HAGHL: variants seen among roughly 807,000 people sequenced by gnomAD.
The protein encoded by HAGHL is hydroxyacylglutathione hydrolase like, also known as hydroxyacylglutathione hydrolase-like protein.
A neutral mutation model predicts 29.2 loss-of-function variants in HAGHL; 27 were observed. The ratio of observed to expected loss-of-function variants is 0.92; its 90% CI spans 0.68 to 1.27. The LOEUF is 1.27. Among genes scored for constraint, HAGHL ranks in the 50% most tolerant of loss-of-function variants. The pLI is 0.00. For synonymous variants in HAGHL, 223 were observed against 185.7 expected (o/e 1.20, Z -1.63); for missense variants, 529 against 405.5 (o/e 1.30, Z -2.62).
Position 729,125 on chromosome 16 carries a change from C to A in HAGHL, c.680+37C>A, listed in dbSNP as rs775385358. ...TGTTGTCCCGGGGCCTCCACCGTTA[C>A]GTGGACCCTTAGGAAGGCATCTGGG... On this transcript the variant is annotated intron_variant, in intron 7 of 7. Transcript: ENST00000389703. 2.4e-5 allele frequency: 38 copies of A among 1,603,496 alleles called. 1 individual carries two copies. In the Admixed American group the frequency reaches 5.7e-4, roughly 24 times the overall value.
chr16:728,707 G>C, intron 5 of HAGHL, 87 bp from the exon 6 acceptor site: 1 of 1,369,230 alleles, frequency 7.3e-7, no homozygotes, highest in African/African-American at 1.4e-5. Flanking sequence ...CCTGAGGGCA[G>C]ACCGGGCAGG....
In HAGHL at chr16:729,370, G is replaced by C. The variant is rs765933247; in HGVS notation, c.763G>C (p.Glu255Gln). 21 of 1,529,568 alleles carry C rather than the reference G, an allele frequency of 1.4e-5. No individual in the cohort carries two copies. Among genetic ancestry groups the C allele is most frequent in the Non-Finnish European group, 1.8e-5 (20 of 1,140,946 alleles). 94.7% of individuals were successfully genotyped at this position (1,529,568 alleles called of 1,614,324 possible). Residue 255 changes from glutamate to glutamine, a missense_variant, in exon 8 of 8, where the codon GAA becomes CAA. Physicochemically the swap from Glu to Gln is conservative, Grantham distance 29 (BLOSUM62 2). Coordinates refer to ENST00000389703, the MANE Select transcript of HAGHL (RefSeq NM_032304.4). The stretch of plus-strand genomic sequence containing the variant: ...GCTATGCAAGGAGCGGGCGCGCTTC[G>C]AACAGGCGGGCGAGCCGCGGCAGCC... ...EALCKERARF[E>Q]QAGEPRQPQA...
chr16:728,349 CCCGGCCACACCG>C lies in HAGHL; in HGVS notation c.332_343del (p.Thr111_His114del). 1 of 1,573,180 alleles carries C rather than the reference CCCGGCCACACCG, an allele frequency of 6.4e-7. No homozygotes were observed. Among genetic ancestry groups the C allele is most frequent in the South Asian group, 1.2e-5 (1 of 86,316 alleles). On this transcript the variant is annotated inframe_deletion, in exon 4 of 8. Transcript: ENST00000389703. ...CATCCACGTGCGTTGCCTCCTGACG[CCCGGCCACACCG>C]CCGGCCACATGAGCTACTTCCTGTG... is the stretch of plus-strand genomic sequence containing the variant.
At chr16:728,955 G>A (rs773051526) in intron 6 of HAGHL, 54 bp from the exon 7 acceptor site, 6 of 1,004,674 alleles carry the variant, frequency 6.0e-6, no homozygotes, top group Non-Finnish European at 8.5e-6. Context: ...GCTTCGGGGT[G>A]GGGGGGGCTC....
In HAGHL at chr16:727,390, T is replaced by C. The variant is rs980329521; in HGVS notation, c.-120T>C. ...GCTTCTCTTTTGGCCCCCAGCGTGTTGACCGAGCCCGCTTCGCACAGCCCT... is the reference window on the plus strand; with the variant it reads ...GCTTCTCTTTTGGCCCCCAGCGTGTCGACCGAGCCCGCTTCGCACAGCCCT... On this transcript the variant is annotated 5_prime_UTR_variant, in exon 1 of 8. Transcript: ENST00000389703. 1.7e-6 allele frequency: 1 copy of C among 588,170 alleles called. No homozygotes were observed. The highest frequency in any genetic ancestry group is 3.1e-6 in the Non-Finnish European group (1 of 325,896). 36.4% of individuals were successfully genotyped at this position (588,170 alleles called of 1,614,324 possible). A position where few individuals can be genotyped will look rare whatever the true frequency, so the allele number is the denominator to read the frequency against.
At position 727,168 on chromosome 16, in the gene HAGHL, T is replaced by C. The variant is rs972986777; in HGVS notation, c.-342T>C. ...GAGGCGGGCGGCGGGGGAACGCGGCTGTCCCGGGTCAGGGGTCTTGCGGCG... is the reference window on the plus strand; with the variant it reads ...GAGGCGGGCGGCGGGGGAACGCGGCCGTCCCGGGTCAGGGGTCTTGCGGCG... On this transcript the variant is annotated 5_prime_UTR_variant, in exon 1 of 8. Transcript: ENST00000389703. 3.3e-4 allele frequency: 70 copies of C among 214,876 alleles called. No individual in the cohort carries two copies. The highest frequency in any genetic ancestry group is 1.5e-3 in the African/African-American group (65 of 42,432). 13.3% of individuals were successfully genotyped at this position (214,876 alleles called of 1,614,324 possible).
chr16:727,653 C>T (rs781543861), intron 1 of HAGHL, 39 bp downstream of exon 1: 25 of 1,354,328 alleles, frequency 1.8e-5, no homozygotes, highest in South Asian at 1.3e-4. Flanking sequence ...CCGGCCGTGT[C>T]CCCCGAGAGC....
chr16:727,785 C>T (rs1269007789), intron 1 of HAGHL, 171 bp downstream of exon 1: 4 of 751,216 alleles, frequency 5.3e-6, no homozygotes, highest in South Asian at 3.6e-5. Context: ...GGCCTCCGCC[C>T]TTTCGCTGCT....
chr16:727,504 G>A lies in HAGHL; in HGVS notation c.-6G>A. 1 of 1,585,102 alleles carries A rather than the reference G, an allele frequency of 6.3e-7. No individual in the cohort carries two copies. Among genetic ancestry groups the A allele is most frequent in the Non-Finnish European group, 8.6e-7 (1 of 1,158,174 alleles). On this transcript the variant is annotated 5_prime_UTR_variant, in exon 1 of 8. In the 5' UTR this introduces an upstream ATG that the reference lacks. Coordinates refer to ENST00000389703, the MANE Select transcript of HAGHL (RefSeq NM_032304.4). The stretch of plus-strand genomic sequence containing the variant: ...GAGCAGGCACCGGTGGCCGAGCTCC[G>A]TGACCATGAAGGTCAAGGTCATCCC...
chr16:729,081 C>G lies in HAGHL; in HGVS notation c.673C>G (p.Arg225Gly). 1 of 1,608,826 alleles carries G rather than the reference C, an allele frequency of 6.2e-7. No individual in the cohort carries two copies. The change falls in exon 7 of 8, where the codon CGG (arginine) becomes GGG (glycine). Residue 225 changes from arginine (R) to glycine (G), a missense_variant. Arg to Gly is a moderately radical substitution (Grantham distance 125). Transcript: ENST00000389703. ...GGAGCGCCTCTACAACCCCTTCCTG[C>G]GGGTGGCGTGAGTATGGCTGTTGTC... is the stretch of plus-strand genomic sequence containing the variant. ...GEERLYNPFL[R>G]VAEEPVRKFT... is the part of the protein sequence containing the mutation.
chr16:727,164 C>G lies in HAGHL; in HGVS notation c.-346C>G, dbSNP rs2041017821. The G allele has an allele frequency of 4.7e-6, 1 of 210,546 alleles. No homozygotes were observed. Among genetic ancestry groups the G allele is most frequent in the African/African-American group, 2.4e-5 (1 of 42,316 alleles). 13.0% of individuals were successfully genotyped at this position (210,546 alleles called of 1,614,324 possible). On this transcript the variant is annotated 5_prime_UTR_variant, in exon 1 of 8. Coordinates refer to ENST00000389703, the MANE Select transcript of HAGHL (RefSeq NM_032304.4). ...CGGTGAGGCGGGCGGCGGGGGAACG[C>G]GGCTGTCCCGGGTCAGGGGTCTTGC...
chr16:727,436 G>C lies in HAGHL; in HGVS notation c.-74G>C, dbSNP rs1201605374. ...GCCCTTCCTAGGGTGTGGAGAGCGG[G>C]CCCCGCCCTGAAGGGGCACCGTGGG... On this transcript the variant is annotated 5_prime_UTR_variant, in exon 1 of 8. Coordinates refer to ENST00000389703, the MANE Select transcript of HAGHL (RefSeq NM_032304.4). 33 of 854,620 alleles carry C rather than the reference G, an allele frequency of 3.9e-5. No homozygotes were observed. Among genetic ancestry groups the C allele is most frequent in the Non-Finnish European group, 6.1e-5 (32 of 520,668 alleles). 52.9% of individuals were successfully genotyped at this position (854,620 alleles called of 1,614,324 possible). A position where few individuals can be genotyped will look rare whatever the true frequency, so the allele number is the denominator to read the frequency against.
Position 728,127 on chromosome 16 carries a change from G to C in HAGHL, c.182G>C (p.Arg61Pro). The C allele has an allele frequency of 6.8e-7, 1 of 1,474,682 alleles. No homozygotes were observed. The highest frequency in any genetic ancestry group is 8.9e-7 in the Non-Finnish European group (1 of 1,118,652). 91.3% of individuals were successfully genotyped at this position (1,474,682 alleles called of 1,614,324 possible). ...CCGCCCGCCCGCAGGGACCACGCGC[G>C]GGGAAACCCGGAGCTGGCGCGGCTT... ...LTTHHHWDHA[R>P]GNPELARLRP... The change falls in exon 3 of 8, where the codon CGG (arginine) becomes CCG (proline). Residue 61 changes from arginine (R) to proline (P), a missense_variant. Coordinates refer to ENST00000389703, the MANE Select transcript of HAGHL (RefSeq NM_032304.4).
chr16:727,690 G>C, intron 1 of HAGHL, 76 bp downstream of exon 1: 1 of 961,406 alleles, frequency 1.0e-6, no homozygotes, highest in South Asian at 1.4e-5. Context: ...GTAGGAGCGA[G>C]CCCCCACGTG....
rs1215492924 is a variant in HAGHL at position 729,405 on chromosome 16, G to A, written c.798G>A (p.Arg266=). ...QAGEPRQPQA[R]ALLALQWGLL... is the part of the protein sequence containing the mutation. ...GCGAGCCGCGGCAGCCACAGGCGCG[G>A]GCCCTCCTTGCGCTGCAGTGGGGGC... is the stretch of plus-strand genomic sequence containing the variant. Residue 266 remains arginine, a synonymous_variant, in exon 8 of 8, where the codon CGG becomes CGA. Transcript: ENST00000389703. The A allele has an allele frequency of 1.3e-6, 2 of 1,530,214 alleles. No homozygotes were observed. The highest frequency in any genetic ancestry group is 1.8e-6 in the Non-Finnish European group (2 of 1,142,004). The allele number at this position is 1,530,214 out of a possible 1,614,324, so 94.8% of individuals were successfully genotyped here. A position where few individuals can be genotyped will look rare whatever the true frequency, so the allele number is the denominator to read the frequency against.
rs1596665998 is a variant in HAGHL at position 729,425 on chromosome 16, G to A, written c.818G>A (p.Trp273Ter). ...PQARALLALQ[W>*]GLLSAAPHD ...GCGCGGGCCCTCCTTGCGCTGCAGT[G>A]GGGGCTCCTGAGTGCAGCCCCACAC... The change falls in exon 8 of 8, where the codon TGG (tryptophan) becomes TAG (stop). Residue 273 changes from tryptophan to a stop codon, truncating the protein, a stop_gained. Coordinates refer to ENST00000389703, the MANE Select transcript of HAGHL (RefSeq NM_032304.4). LOFTEE classifies it high-confidence loss of function. 2.0e-6 allele frequency: 3 copies of A among 1,531,964 alleles called. No homozygotes were observed. Among genetic ancestry groups the A allele is most frequent in the Non-Finnish European group, 2.6e-6 (3 of 1,143,210 alleles). 94.9% of individuals were successfully genotyped at this position (1,531,964 alleles called of 1,614,324 possible).
Position 729,378 on chromosome 16 carries a change from G to C in HAGHL, c.771G>C (p.Ala257=), listed in dbSNP as rs1421097572. 6.5e-7 allele frequency: 1 copy of C among 1,528,230 alleles called. No individual in the cohort carries two copies. The highest frequency in any genetic ancestry group is 8.8e-7 in the Non-Finnish European group (1 of 1,140,602). The allele number at this position is 1,528,230 out of a possible 1,614,324, so 94.7% of individuals were successfully genotyped here. A position where few individuals can be genotyped will look rare whatever the true frequency, so the allele number is the denominator to read the frequency against. The part of the protein sequence containing the change: ...LCKERARFEQ[A]GEPRQPQARA... ...AGGAGCGGGCGCGCTTCGAACAGGC[G>C]GGCGAGCCGCGGCAGCCACAGGCGC... is the stretch of plus-strand genomic sequence containing the variant. The change falls in exon 8 of 8, where the codon GCG becomes GCC. Residue 257 remains alanine (A), a synonymous_variant. Coordinates refer to ENST00000389703, the MANE Select transcript of HAGHL (RefSeq NM_032304.4).
chr16:729,362 C>A lies in HAGHL; in HGVS notation c.755C>A (p.Ala252Glu). ...CTGGAGGCGCTATGCAAGGAGCGGG[C>A]GCGCTTCGAACAGGCGGGCGAGCCG... Reference protein sequence around the residue: ...DVLEALCKERARFEQAGEPRQ... With the variant: ...DVLEALCKERERFEQAGEPRQ... The change falls in exon 8 of 8, where the codon GCG (alanine) becomes GAG (glutamate). Residue 252 changes from alanine to glutamate, a missense_variant. Ala to Glu is a moderately radical substitution (Grantham distance 107, BLOSUM62 -1). Coordinates refer to ENST00000389703, the MANE Select transcript of HAGHL (RefSeq NM_032304.4). 1 of 1,532,342 alleles carries A rather than the reference C, an allele frequency of 6.5e-7. No homozygotes were observed. Among genetic ancestry groups the A allele is most frequent in the Non-Finnish European group, 8.8e-7 (1 of 1,141,434 alleles). 94.9% of individuals were successfully genotyped at this position (1,532,342 alleles called of 1,614,324 possible).
At chr16:728,751 G>A (rs746130012) in intron 5 of HAGHL, 43 bp from the exon 6 acceptor site, 3 of 1,588,070 alleles carry the variant, frequency 1.9e-6, no homozygotes, top group Non-Finnish European at 2.6e-6. Flanking sequence ...CACTTTCCCC[G>A]CTTCCTGGCC....
Sources: gnomAD v4.1 joint callset for allele counts on GRCh38, gnomAD v4.1.1 for gene constraint, MANE v1.5 for transcripts, NCBI Gene and HGNC (gene_info 2026-07-23, HGNC 2026-07-21) for gene names.